HIVEP2: variants seen among roughly 807,000 people sequenced by gnomAD.
The protein encoded by HIVEP2 is HIVEP zinc finger 2, also known as transcription factor HIVEP2.
Under a neutral mutation model 180.7 loss-of-function variants are expected in HIVEP2, and 14 were observed. The ratio of observed to expected loss-of-function variants is 0.08; its 90% CI spans 0.05 to 0.12. HIVEP2 has a LOEUF of 0.12. HIVEP2 is among the 10% of genes least tolerant of loss of function. The pLI, the probability that HIVEP2 is intolerant of heterozygous loss-of-function variation, is 1.00. For missense variants in HIVEP2, 2,579 were observed against 3,008.5 expected, an observed-to-expected ratio of 0.86 and a Z score of 3.34; for synonymous variants, 1,184 against 1,136.4, an observed-to-expected ratio of 1.04 and a Z score of -0.84.
At chr6:142,884,256 T>G (rs1454843369) in intron 1 of HIVEP2, among the ~76,000 whole-genome samples, 1 of 151,896 alleles carries the variant, frequency 6.6e-6, no homozygotes, top group African/African-American at 2.4e-5. Context: ...TTAATTACAG[T>G]GACAAGCAGC....
intron 2 of HIVEP2, among the ~76,000 whole-genome samples, chr6:142,788,820 A>G (rs983564319): frequency 6.6e-6 from 1 of 152,216 alleles, no homozygotes. Flanking sequence ...ACATAAATAT[A>G]AACAGATTAC....
intron 2 of HIVEP2, among the ~76,000 whole-genome samples, chr6:142,792,959 T>A (rs1282122876): frequency 3.3e-5 from 5 of 152,046 alleles, no homozygotes; most frequent in Non-Finnish European, 2.9e-5. Context: ...GAAGGTGAGG[T>A]CTGCTGATGG....
At chr6:142,791,938 T>C (rs1374308409) in intron 2 of HIVEP2, among the ~76,000 whole-genome samples, 1 of 152,166 alleles carries the variant, frequency 6.6e-6, no homozygotes. Flanking sequence ...GACAGGAGAT[T>C]GCTTAGAAAT....
At chr6:142,852,954 T>C (rs1201643545) in intron 1 of HIVEP2, among the ~76,000 whole-genome samples, 2 of 152,238 alleles carry the variant, frequency 1.3e-5, no homozygotes, top group East Asian at 1.9e-4. Flanking sequence ...GGTATTTTTG[T>C]GCTTATCTTT....
intron 1 of HIVEP2, among the ~76,000 whole-genome samples, chr6:142,944,368 C>A (rs1026573000): frequency 6.7e-6 from 1 of 148,672 alleles, no homozygotes; most frequent in Non-Finnish European, 1.5e-5. Flanking sequence ...TCCACCCCCC[C>A]CCCCCACCAA....
At chr6:142,915,479 C>T (rs1473241832) in intron 1 of HIVEP2, among the ~76,000 whole-genome samples, 1 of 152,186 alleles carries the variant, frequency 6.6e-6, no homozygotes, top group Non-Finnish European at 1.5e-5. Context: ...ACCCTGCTGA[C>T]ACCTTGGCTT....
chr6:142,775,052 T>C lies in HIVEP2; in HGVS notation c.-314A>G. On this transcript the variant is annotated 5_prime_UTR_variant, in exon 5 of 10. Coordinates refer to ENST00000367603, the MANE Select transcript of HIVEP2 (RefSeq NM_006734.4). The stretch of plus-strand genomic sequence containing the variant: ...TTCAACTAGGATGAAATTGGGATGA[T>C]GAATAGTCTAGGAGAAATTTTGCCC... 9.2e-7 allele frequency: 1 copy of C among 1,089,132 alleles called. No individual in the cohort carries two copies. Among genetic ancestry groups the C allele is most frequent in the Non-Finnish European group, 1.1e-6 (1 of 895,516 alleles). 67.5% of individuals were successfully genotyped at this position (1,089,132 alleles called of 1,614,324 possible). A position where few individuals can be genotyped will look rare whatever the true frequency, so the allele number is the denominator to read the frequency against.
intron 1 of HIVEP2, among the ~76,000 whole-genome samples, chr6:142,937,172 CA>C (rs1261533894): frequency 6.6e-6 from 1 of 152,194 alleles, no homozygotes; most frequent in Non-Finnish European, 1.5e-5. Flanking sequence ...CAGTGAGAAA[CA>C]CCCCAGATTT....
At chr6:142,762,452 G>GCACGCACA (rs1775268601) in intron 7 of HIVEP2, among the ~76,000 whole-genome samples, 1 of 144,042 alleles carries the variant, frequency 6.9e-6, no homozygotes, top group Non-Finnish European at 1.5e-5. Context: ...ACAGAAGAAT[G>GCACGCACA]CACACACACA....
intron 3 of HIVEP2, among the ~76,000 whole-genome samples, chr6:142,782,979 A>G (rs1177046452): frequency 6.6e-6 from 1 of 152,248 alleles, no homozygotes; most frequent in Non-Finnish European, 1.5e-5. Context: ...GTCTAACATG[A>G]AAATAAACTT....
chr6:142,811,914 C>A (rs956871087), intron 2 of HIVEP2, among the ~76,000 whole-genome samples: 1 of 152,198 alleles, frequency 6.6e-6, no homozygotes, highest in Non-Finnish European at 1.5e-5. Context: ...TAGAAGTAGA[C>A]AACATGCATG....
At chr6:142,754,166 G>C (rs1775002980) in intron 9 of HIVEP2, among the ~76,000 whole-genome samples, 1 of 152,046 alleles carries the variant, frequency 6.6e-6, no homozygotes, top group South Asian at 2.1e-4. Context: ...TTTTTAAACA[G>C]CAAGGTGATA....
At chr6:142,843,121 T>C (rs1301052442) in intron 1 of HIVEP2, among the ~76,000 whole-genome samples, 1 of 151,984 alleles carries the variant, frequency 6.6e-6, no homozygotes, top group East Asian at 1.9e-4. Context: ...TGTAGATGAG[T>C]CACCAGGGGA....
chr6:142,868,872 T>G (rs1257630608), intron 1 of HIVEP2, among the ~76,000 whole-genome samples: 1 of 152,244 alleles, frequency 6.6e-6, no homozygotes, highest in African/African-American at 2.4e-5. Context: ...TTTTCATAAT[T>G]GATAAGTATT....
chr6:142,923,175 A>G (rs969165821), intron 1 of HIVEP2, among the ~76,000 whole-genome samples: 1 of 152,160 alleles, frequency 6.6e-6, no homozygotes, highest in Non-Finnish European at 1.5e-5. Context: ...TCTACTAAAA[A>G]TACAAAAATT....
chr6:142,809,175 C>G (rs1316763647), intron 2 of HIVEP2, among the ~76,000 whole-genome samples: 1 of 152,064 alleles, frequency 6.6e-6, no homozygotes, highest in Non-Finnish European at 1.5e-5. Flanking sequence ...GTAAATGGAC[C>G]TACGTCAGCT....
intron 2 of HIVEP2, among the ~76,000 whole-genome samples, chr6:142,793,276 A>T (rs923482008): frequency 6.6e-6 from 1 of 152,202 alleles, no homozygotes; most frequent in African/African-American, 2.4e-5. Context: ...ATAATTCTAC[A>T]TAACTACCTA....
At chr6:142,802,602 G>A (rs1356060792) in intron 2 of HIVEP2, among the ~76,000 whole-genome samples, 3 of 151,900 alleles carry the variant, frequency 2.0e-5, no homozygotes, top group African/African-American at 4.8e-5. Flanking sequence ...ATCACTGTTT[G>A]CCCTTCTATT....
intron 1 of HIVEP2, among the ~76,000 whole-genome samples, chr6:142,862,277 T>C (rs1488881520): frequency 1.3e-5 from 2 of 151,786 alleles, no homozygotes; most frequent in Non-Finnish European, 2.9e-5. Context: ...TCTCCCAATT[T>C]CTCCTAACTT....
Sources: gnomAD v4.1 joint callset for allele counts (sites outside exome capture counted in the v4.1 genomes callset) on GRCh38, gnomAD v4.1.1 for gene constraint, MANE v1.5 for transcripts, NCBI Gene and HGNC (gene_info 2026-07-23, HGNC 2026-07-21) for gene names.